PLXDC2: variants seen among roughly 807,000 people sequenced by gnomAD.
The protein encoded by PLXDC2 is plexin domain containing 2.
PLXDC2 carries 40 observed loss-of-function variants against 68.9 expected under a neutral mutation model. The observed-to-expected ratio is 0.58, with a 90% CI of 0.45 to 0.76. PLXDC2 has a LOEUF of 0.76. Ranked by LOEUF, PLXDC2 falls within the 30% of genes least tolerant of loss-of-function variation. PLXDC2 has a pLI of 0.00. For synonymous variants in PLXDC2, 243 were observed against 234.2 expected (o/e 1.04, Z -0.34); for missense variants, 644 against 661.9 (o/e 0.97, Z 0.30).
chr10:20,180,362 C>G (rs75407278), intron 9 of PLXDC2, among the ~76,000 whole-genome samples: 1 of 152,106 alleles, frequency 6.6e-6, no homozygotes, highest in Non-Finnish European at 1.5e-5. Flanking sequence ...TTTAATTAAT[C>G]GGTTTAACTA....
intron 9 of PLXDC2, among the ~76,000 whole-genome samples, chr10:20,202,282 T>G (rs1834931031): frequency 6.6e-6 from 1 of 152,142 alleles, no homozygotes; most frequent in African/African-American, 2.4e-5. Flanking sequence ...TTAAATATAC[T>G]TGCTACTATG....
At chr10:19,826,272 A>G (rs542459451) in intron 1 of PLXDC2, among the ~76,000 whole-genome samples, 9 of 152,220 alleles carry the variant, frequency 5.9e-5, no homozygotes, top group Admixed American at 2.0e-4. Flanking sequence ...TTCTGATATT[A>G]GCCATTTTAA....
At chr10:19,919,925 CT>C (rs1833430981) in intron 1 of PLXDC2, among the ~76,000 whole-genome samples, 1 of 152,192 alleles carries the variant, frequency 6.6e-6, no homozygotes, top group Non-Finnish European at 1.5e-5. Flanking sequence ...ATTTATGATA[CT>C]GCAGAGTTGT....
chr10:19,876,888 T>G (rs2131347375), intron 1 of PLXDC2, among the ~76,000 whole-genome samples: 1 of 152,280 alleles, frequency 6.6e-6, no homozygotes, highest in Non-Finnish European at 1.5e-5. Flanking sequence ...TCATAGGTGT[T>G]ATTACAAATT....
intron 1 of PLXDC2, among the ~76,000 whole-genome samples, chr10:19,915,883 GA>G (rs1554844796): frequency 6.9e-6 from 1 of 144,386 alleles, no homozygotes; most frequent in South Asian, 2.1e-4. Flanking sequence ...AGAAGAAGAA[GA>G]AAAAAAACAG....
chr10:20,050,615 A>G (rs1835881278), intron 3 of PLXDC2, among the ~76,000 whole-genome samples: 1 of 152,086 alleles, frequency 6.6e-6, no homozygotes, highest in Admixed American at 6.6e-5. Flanking sequence ...GCTCAATATC[A>G]CTGATGGTTA....
intron 1 of PLXDC2, among the ~76,000 whole-genome samples, chr10:19,817,470 G>T (rs1836375366): frequency 6.6e-6 from 1 of 152,204 alleles, no homozygotes; most frequent in South Asian, 2.1e-4. Flanking sequence ...GAGGGCTTCA[G>T]TGTGAGAGCA....
intron 1 of PLXDC2, among the ~76,000 whole-genome samples, chr10:19,962,592 G>A (rs1449076314): frequency 1.4e-5 from 2 of 147,138 alleles, no homozygotes; most frequent in Non-Finnish European, 3.0e-5. Context: ...GTGTTTCACC[G>A]TGTTAGCCAA....
intron 1 of PLXDC2, among the ~76,000 whole-genome samples, chr10:19,994,063 A>G (rs1208194344): frequency 6.6e-6 from 1 of 152,058 alleles, no homozygotes; most frequent in South Asian, 2.1e-4. Context: ...TCAATCCCAC[A>G]TAGCCATGCC....
intron 1 of PLXDC2, among the ~76,000 whole-genome samples, chr10:19,851,060 C>T (rs570358803): frequency 6.6e-6 from 1 of 152,138 alleles, no homozygotes; most frequent in Non-Finnish European, 1.5e-5. Flanking sequence ...ATGGGCAAAA[C>T]TAGATATAAA....
At chr10:20,041,080 CAG>C (rs1242594900) in intron 2 of PLXDC2, among the ~76,000 whole-genome samples, 3 of 152,144 alleles carry the variant, frequency 2.0e-5, no homozygotes, top group Non-Finnish European at 4.4e-5. Flanking sequence ...TGCTCACCAT[CAG>C]AAGATTTGCT....
chr10:19,875,021 A>G (rs1463056559), intron 1 of PLXDC2, among the ~76,000 whole-genome samples: 2 of 152,092 alleles, frequency 1.3e-5, no homozygotes, highest in Non-Finnish European at 2.9e-5. Context: ...CATCGAAATG[A>G]CTTCTCTGGC....
intron 3 of PLXDC2, among the ~76,000 whole-genome samples, chr10:20,053,951 T>A (rs1444309942): frequency 6.6e-6 from 1 of 152,096 alleles, no homozygotes; most frequent in Non-Finnish European, 1.5e-5. Flanking sequence ...CTGAGTATTA[T>A]TGTTTGAGAG....
In PLXDC2 at chr10:20,282,497, G is replaced by A. The variant is rs1408722419; in HGVS notation, c.*2678G>A. On this transcript the variant is annotated 3_prime_UTR_variant, in exon 14 of 14. Coordinates refer to ENST00000377252, the MANE Select transcript of PLXDC2 (RefSeq NM_032812.9). ...AACTTCTGGATAAATCAGATAAATG[G>A]TGCTACAGAGGAATTTAGTTATTTC... 6.6e-6 allele frequency: 1 copy of A among 152,080 alleles called. No homozygotes were observed. The allele number at this position is 152,080 out of a possible 1,614,324, so 9.4% of individuals were successfully genotyped here.
intron 3 of PLXDC2, among the ~76,000 whole-genome samples, chr10:20,050,689 A>C (rs923888067): frequency 3.3e-5 from 5 of 151,782 alleles, no homozygotes; most frequent in Non-Finnish European, 7.4e-5. Context: ...GCTATTATTA[A>C]AAAGTAAAAA....
chr10:20,192,898 TAA>T (rs1028010650), intron 9 of PLXDC2, among the ~76,000 whole-genome samples: 11 of 152,156 alleles, frequency 7.2e-5, no homozygotes, highest in African/African-American at 2.4e-4. Context: ...ACAGAATCTA[TAA>T]AGAGACCAAT....
intron 3 of PLXDC2, among the ~76,000 whole-genome samples, chr10:20,064,003 G>C (rs1014002620): frequency 6.6e-6 from 1 of 151,958 alleles, no homozygotes; most frequent in African/African-American, 2.4e-5. Flanking sequence ...AAATTCAGTC[G>C]ATTTTGTTTA....
rs190700749 is a variant in PLXDC2, at chr10:20,254,708, G to C, written c.1473+9203G>C. On this transcript the variant is annotated intron_variant, in intron 13 of 13. Coordinates refer to ENST00000377252, the MANE Select transcript of PLXDC2 (RefSeq NM_032812.9). ...AGCTCTCATTAAAGAAGCTATATTA[G>C]TAGATGACAGCTTTCCAGAAATATA... Among the ~76,000 whole-genome samples the C allele has an allele frequency of 3.7e-3, 564 of 152,214 alleles. 1 individual carries two copies. Among genetic ancestry groups the C allele is most frequent in the Middle Eastern group, 0.01 (3 of 294 alleles).
intron 4 of PLXDC2, among the ~76,000 whole-genome samples, chr10:20,126,302 TAC>T (rs1833776929): frequency 1.4e-5 from 2 of 147,072 alleles, no homozygotes; most frequent in African/African-American, 4.9e-5. Context: ...AATACATATA[TAC>T]ACATACGTTA....
Sources: allele counts gnomAD v4.1 joint callset (sites outside exome capture counted in the v4.1 genomes callset), GRCh38; gene constraint gnomAD v4.1.1; transcripts MANE v1.5; gene names NCBI Gene and HGNC (gene_info 2026-07-23, HGNC 2026-07-21).